Variants in VWF observed in about 807,000 individuals in gnomAD.
The protein encoded by VWF is von Willebrand factor.
Under a neutral mutation model 308.6 loss-of-function variants are expected in VWF, and 176 were observed. The observed-to-expected ratio is 0.57, with a 90% CI of 0.50 to 0.65. The LOEUF (loss-of-function observed/expected upper bound fraction) is 0.65. Among genes scored for constraint, VWF ranks in the 30% least tolerant of loss-of-function variants. The pLI is 0.00. For synonymous variants in VWF, 1,385 were observed against 1,443.4 expected (o/e 0.96, Z 0.92); for missense variants, 3,146 against 3,648.2 (o/e 0.86, Z 3.55).
rs139045801 is a variant in VWF at position 6,058,451 on chromosome 12, A to AC, written c.1534-408dup. On this transcript the variant is annotated intron_variant, in intron 13 of 51. Coordinates refer to ENST00000261405, the MANE Select transcript of VWF (RefSeq NM_000552.5). This position sits in a 1 kb window ranked among gnomAD's most constrained non-coding sequence, Gnocchi z 4.9. ...TGTGCCATCCACACCAGTGGGCCTG[A>AC]CCCCCCCACCCAGAGTTACGTGCAA... Among the ~76,000 whole-genome samples the AC allele has an allele frequency of 3.3e-5, 5 of 151,276 alleles. No individual in the cohort carries two copies. The highest frequency in any genetic ancestry group is 4.4e-5 in the Non-Finnish European group (3 of 67,770).
intron 6 of VWF, among the ~76,000 whole-genome samples, chr12:6,083,198 G>A (rs1944933256): frequency 6.9e-6 from 1 of 145,324 alleles, no homozygotes; most frequent in Non-Finnish European, 1.5e-5. Context: ...TGTATTTTTA[G>A]TAGAGATGGG....
chr12:5,980,346 CTGCAT>C (rs1943591860), intron 42 of VWF, among the ~76,000 whole-genome samples: 1 of 152,170 alleles, frequency 6.6e-6, no homozygotes, highest in South Asian at 2.1e-4. Context: ...TGCCTCCCTA[CTGCAT>C]TGACCTTGAA....
At chr12:6,051,279 T>TTTTTTTC in intron 16 of VWF, among the ~76,000 whole-genome samples, 1 of 109,582 alleles carries the variant, frequency 9.1e-6, no homozygotes, top group African/African-American at 3.4e-5. Context: ...TCAGGACTTC[T>TTTTTTTC]TTTTTTCTTT....
At chr12:6,066,411 T>C (rs541978743) in intron 10 of VWF, among the ~76,000 whole-genome samples, 1 of 152,186 alleles carries the variant, frequency 6.6e-6, no homozygotes, top group Non-Finnish European at 1.5e-5. Flanking sequence ...AAGAAATATA[T>C]ATAGAGAGAG....
intron 16 of VWF, among the ~76,000 whole-genome samples, chr12:6,047,383 T>C (rs1944457071): frequency 6.6e-6 from 1 of 152,222 alleles, no homozygotes; most frequent in African/African-American, 2.4e-5. Flanking sequence ...ACTAAACTCA[T>C]GATCCCCCGA....
At chr12:6,032,813 TACAC>T (rs748172398) in intron 20 of VWF, among the ~76,000 whole-genome samples, 1 of 150,934 alleles carries the variant, frequency 6.6e-6, no homozygotes. Flanking sequence ...TATGTACTCA[TACAC>T]ACACTCACAC....
chr12:6,028,590 G>T lies in VWF; in HGVS notation c.2967+752C>A, dbSNP rs190629780. Among the ~76,000 whole-genome samples, 10 of 152,108 alleles carry T rather than the reference G, an allele frequency of 6.6e-5. No individual in the cohort carries two copies. The East Asian group carries it at 1.9e-3, about 29-fold the overall frequency. On this transcript the variant is annotated intron_variant, in intron 22 of 51. Transcript: ENST00000261405. ...CAGAAACCCTACAAGCCAGAAGAGA[G>T]GGGGGGACCAATATTCAACATTCTT...
At chr12:6,119,064 T>C (rs538763399) in intron 3 of VWF, among the ~76,000 whole-genome samples, 11 of 152,220 alleles carry the variant, frequency 7.2e-5, no homozygotes, top group Non-Finnish European at 1.0e-4. Flanking sequence ...CAGGACCATC[T>C]TGGCAAAGAA....
intron 47 of VWF, among the ~76,000 whole-genome samples, chr12:5,955,514 A>G (rs1020954495): frequency 6.6e-6 from 1 of 152,098 alleles, no homozygotes; most frequent in South Asian, 2.1e-4. Flanking sequence ...GATGATTTCC[A>G]GTTTCATCCA....
chr12:6,005,302 C>T (rs1467089259), intron 34 of VWF, among the ~76,000 whole-genome samples: 1 of 152,096 alleles, frequency 6.6e-6, no homozygotes, highest in African/African-American at 2.4e-5. Context: ...CAGAAATAAG[C>T]CCATGCACAT....
At chr12:6,026,139 G>A in intron 22 of VWF, 93 bp from the exon 23 acceptor site, 4 of 1,573,456 alleles carry the variant, frequency 2.5e-6, no homozygotes, top group Non-Finnish European at 3.5e-6. Flanking sequence ...GGCAATGGAG[G>A]CAGAGGGCAT....
intron 47 of VWF, among the ~76,000 whole-genome samples, chr12:5,962,538 CTTTTTTTTT>C (rs35124526): frequency 9.8e-6 from 1 of 101,592 alleles, no homozygotes; most frequent in African/African-American, 3.8e-5. Context: ...ACAGGCAATT[CTTTTTTTTT>C]TTTTTTTTTT....
rs1403649370 is a variant in VWF at position 6,092,622 on chromosome 12, T to TGAGAGAGAGAGAGAGA, written c.657+2837_657+2838insTCTCTCTCTCTCTCTC. The stretch of plus-strand genomic sequence containing the variant: ...GCTAGTTAGTGAGTGAGTGAGAGTG[T>TGAGAGAGAGAGAGAGA]GTGTGTGTGTGTGTGTGTGTGTGTG... On this transcript the variant is annotated intron_variant, in intron 6 of 51. Coordinates refer to ENST00000261405, the MANE Select transcript of VWF (RefSeq NM_000552.5). Among the ~76,000 whole-genome samples the TGAGAGAGAGAGAGAGA allele has an allele frequency of 1.4e-3, 126 of 91,506 alleles. 2 individuals carry two copies. Among genetic ancestry groups the TGAGAGAGAGAGAGAGA allele is most frequent in the Admixed American group, 3.4e-3 (32 of 9,440 alleles). 60.0% of individuals were successfully genotyped at this position (91,506 alleles called of 152,430 possible).
Position 5,950,091 on chromosome 12 carries a change from C to A in VWF, c.8156-208G>T, listed in dbSNP as rs535141354. Among the ~76,000 whole-genome samples, 77 of 152,328 alleles carry A rather than the reference C, an allele frequency of 5.1e-4. 1 individual carries two copies. Among genetic ancestry groups the A allele is most frequent in the African/African-American group, 1.8e-3 (75 of 41,578 alleles). On this transcript the variant is annotated intron_variant, in intron 50 of 51. Transcript: ENST00000261405. ...GAGATATAGTTATTGCTGGACTTAA[C>A]TCACTTAATGGTACAATTTTAATTG...
intron 36 of VWF, 56 bp from the exon 37 acceptor site, chr12:5,994,259 C>T (rs1748668890): frequency 6.2e-6 from 10 of 1,605,900 alleles, no homozygotes; most frequent in Non-Finnish European, 8.5e-6. Flanking sequence ...GGTACAAAAA[C>T]ATTGATGCCA....
At chr12:5,964,238 A>ACATGCATG (rs1555189787) in intron 47 of VWF, among the ~76,000 whole-genome samples, 6 of 138,636 alleles carry the variant, frequency 4.3e-5, no homozygotes, top group African/African-American at 1.9e-4. Context: ...ATACATACAT[A>ACATGCATG]CATACATACA....
chr12:5,999,810 G>T (rs946779290), intron 34 of VWF, among the ~76,000 whole-genome samples: 1 of 151,794 alleles, frequency 6.6e-6, no homozygotes, highest in African/African-American at 2.4e-5. Context: ...GAAGAGAAAT[G>T]AACAAAGACA....
chr12:5,971,135 G>A (rs1943468586), intron 44 of VWF, among the ~76,000 whole-genome samples: 1 of 152,206 alleles, frequency 6.6e-6, no homozygotes, highest in Admixed American at 6.5e-5. Context: ...CAGAGGGACT[G>A]TGGGAAATAC....
chr12:6,113,980 C>A (rs935082287), intron 3 of VWF, among the ~76,000 whole-genome samples: 2 of 152,244 alleles, frequency 1.3e-5, no homozygotes, highest in Non-Finnish European at 2.9e-5. Context: ...GAGGTCTGGG[C>A]TCAGGGGTCT....
Sources: gnomAD v4.1 joint callset for allele counts (sites outside exome capture counted in the v4.1 genomes callset) on GRCh38, gnomAD v4.1.1 for gene constraint, Gnocchi (gnomAD v3.1) non-coding constraint, MANE v1.5 for transcripts, NCBI Gene and HGNC (gene_info 2026-07-23, HGNC 2026-07-21) for gene names.